The following PMM2 variants were observed in gnomAD, a reference collection of about 807,000 sequenced individuals.
The protein encoded by PMM2 is mannose-6-phosphate isomerase.
In PMM2, 35 loss-of-function variants were observed where a neutral mutation model predicts 33.2. That is an observed-to-expected ratio of 1.06 (90% CI 0.81 to 1.40). The LOEUF (loss-of-function observed/expected upper bound fraction) is 1.40. PMM2 is among the 40% of genes most tolerant of loss of function. PMM2 has a pLI of 0.00. For missense variants in PMM2, 386 were observed against 306.0 expected, an observed-to-expected ratio of 1.26 and a Z score of -1.95; for synonymous variants, 153 against 114.7, an observed-to-expected ratio of 1.33 and a Z score of -2.13.
chr16:8,832,912 T>G (rs532313925), intron 7 of PMM2: 8 of 985,304 alleles, frequency 8.1e-6, no homozygotes, highest in Non-Finnish European at 9.6e-6. Context: ...TGGCAGCCCT[T>G]CCCTCCCTTT....
intron 2 of PMM2, among the ~76,000 whole-genome samples, chr16:8,803,925 C>A (rs1785191854): frequency 6.6e-6 from 1 of 151,580 alleles, no homozygotes; most frequent in Non-Finnish European, 1.5e-5. Flanking sequence ...CTCAGGTGAT[C>A]TGGCCACCTT....
At chr16:8,803,379 G>A (rs2060626897) in intron 2 of PMM2, among the ~76,000 whole-genome samples, 1 of 152,180 alleles carries the variant, frequency 6.6e-6, no homozygotes, top group Admixed American at 6.5e-5. Context: ...TCTGCATCTA[G>A]TTGTGTATTT....
chr16:8,840,073 G>C (rs1040861337), intron 7 of PMM2, among the ~76,000 whole-genome samples: 9 of 151,750 alleles, frequency 5.9e-5, no homozygotes, highest in Admixed American at 5.9e-4. Flanking sequence ...GTAAGGTGGG[G>C]ACAGCTGTGT....
chr16:8,813,646 G>A (rs1326330294), intron 7 of PMM2, among the ~76,000 whole-genome samples: 5 of 152,080 alleles, frequency 3.3e-5, no homozygotes, highest in Non-Finnish European at 5.9e-5. Context: ...CAGAAATCTC[G>A]AGTTCAGGGC....
At chr16:8,803,339 A>G (rs2060626697) in intron 2 of PMM2, among the ~76,000 whole-genome samples, 1 of 152,182 alleles carries the variant, frequency 6.6e-6, no homozygotes. Context: ...GAAGCCCTGA[A>G]AATCCTGTTA....
Position 8,840,657 on chromosome 16 carries a change from C to G in PMM2, c.640-7067C>G, listed in dbSNP as rs991378344. The stretch of plus-strand genomic sequence containing the variant: ...GGGAAGTAGGGGAGAGTACTTGCAA[C>G]TTCCAGGAGGAAGAGGAGGGATTAG... On this transcript the variant is annotated intron_variant, in intron 7 of 7. Transcript: ENST00000268261. Among the ~76,000 whole-genome samples the G allele has an allele frequency of 4.6e-5, 7 of 152,084 alleles. No individual in the cohort carries two copies. In the East Asian group the frequency reaches 1.4e-3, roughly 29 times the overall value.
chr16:8,833,635 A>AGGGAGGTCT, intron 7 of PMM2, among the ~76,000 whole-genome samples: 1 of 151,508 alleles, frequency 6.6e-6, no homozygotes, highest in Admixed American at 6.6e-5. Flanking sequence ...ATTAAGCTGA[A>AGGGAGGTCT]GGGAGGTCTT....
At chr16:8,843,289 A>G (rs1490773179) in intron 7 of PMM2, among the ~76,000 whole-genome samples, 3 of 152,096 alleles carry the variant, frequency 2.0e-5, no homozygotes, top group Non-Finnish European at 2.9e-5. Context: ...CCACTGTGAG[A>G]GTTACCCAAA....
At chr16:8,837,145 G>T (rs1181783587) in intron 7 of PMM2, among the ~76,000 whole-genome samples, 1 of 151,924 alleles carries the variant, frequency 6.6e-6, no homozygotes, top group Non-Finnish European at 1.5e-5. Flanking sequence ...GGGACAGGTG[G>T]GAGGGAAAGA....
At chr16:8,838,761 TAGAG>T (rs1464790731) in intron 7 of PMM2, among the ~76,000 whole-genome samples, 1 of 151,964 alleles carries the variant, frequency 6.6e-6, no homozygotes, top group Non-Finnish European at 1.5e-5. Context: ...GACATCCAAT[TAGAG>T]AGTGCGTAAG....
At chr16:8,815,539 C>T (rs1461328979) in intron 7 of PMM2, among the ~76,000 whole-genome samples, 2 of 151,394 alleles carry the variant, frequency 1.3e-5, no homozygotes, top group Non-Finnish European at 2.9e-5. Flanking sequence ...TCAGAATATA[C>T]TCCATTTTCT....
At chr16:8,816,515 C>T (rs1031366141) in intron 7 of PMM2, among the ~76,000 whole-genome samples, 3 of 151,452 alleles carry the variant, frequency 2.0e-5, no homozygotes, top group Admixed American at 2.0e-4. Flanking sequence ...CCAAGGTGGG[C>T]GGATCACCTG....
intron 1 of PMM2, among the ~76,000 whole-genome samples, chr16:8,798,978 A>G (rs946261852): frequency 6.6e-6 from 1 of 152,184 alleles, no homozygotes; most frequent in African/African-American, 2.4e-5. Flanking sequence ...AAGTTCTTCA[A>G]AGGCTTTTTC....
chr16:8,846,834 G>C (rs2060928740), intron 7 of PMM2, among the ~76,000 whole-genome samples: 1 of 152,096 alleles, frequency 6.6e-6, no homozygotes, highest in African/African-American at 2.4e-5. Context: ...CCTGCTTTTA[G>C]CCAGCAGCTC....
At position 8,832,118 on chromosome 16, in the gene PMM2, C is replaced by T. The variant is rs190685535; in HGVS notation, c.640-15606C>T. 8.7e-4 allele frequency: 854 copies of T among 984,980 alleles called. 5 individuals carry two copies. In the African/African-American group the frequency reaches 0.014, roughly 16 times the overall value. 61.0% of individuals were successfully genotyped at this position (984,980 alleles called of 1,614,324 possible). A position where few individuals can be genotyped will look rare whatever the true frequency, so the allele number is the denominator to read the frequency against. On this transcript the variant is annotated intron_variant, in intron 7 of 7. Coordinates refer to ENST00000268261, the MANE Select transcript of PMM2 (RefSeq NM_000303.3). The stretch of plus-strand genomic sequence containing the variant: ...TTTGGGGTCCGCTTCACTTGCTTTG[C>T]AGCTACTCTGGTATGCAAGCTCGAC...
At chr16:8,832,116 T>C in intron 7 of PMM2, 1 of 985,032 alleles carries the variant, frequency 1.0e-6, no homozygotes, top group Non-Finnish European at 1.2e-6. Context: ...TCACTTGCTT[T>C]GCAGCTACTC....
chr16:8,827,187 C>T (rs182623117), intron 7 of PMM2, among the ~76,000 whole-genome samples: 3 of 152,090 alleles, frequency 2.0e-5, no homozygotes, highest in Admixed American at 2.0e-4. Flanking sequence ...GTCTGTGGAG[C>T]CTTCTCTCTT....
intron 2 of PMM2, chr16:8,802,501 C>G (rs953215433): frequency 1.3e-5 from 4 of 304,446 alleles, no homozygotes; most frequent in Non-Finnish European, 2.6e-5. Context: ...GGTTATTCAT[C>G]TCCATAGCCA....
At chr16:8,827,862 ATAT>A (rs2060784011) in intron 7 of PMM2, among the ~76,000 whole-genome samples, 2 of 89,974 alleles carry the variant, frequency 2.2e-5, no homozygotes, top group East Asian at 6.8e-4. Context: ...TATATGTTAT[ATAT>A]TATATATATG....
Sources: gnomAD v4.1 joint callset for allele counts (sites outside exome capture counted in the v4.1 genomes callset) on GRCh38, gnomAD v4.1.1 for gene constraint, MANE v1.5 for transcripts, NCBI Gene and HGNC (gene_info 2026-07-23, HGNC 2026-07-21) for gene names.